SUMF1: variants seen among roughly 807,000 people sequenced by gnomAD.
The protein encoded by SUMF1 is formylglycine-generating enzyme.
Under a neutral mutation model 47.6 loss-of-function variants are expected in SUMF1, and 48 were observed. The observed-to-expected ratio is 1.01, with a 90% CI of 0.80 to 1.28. The LOEUF (loss-of-function observed/expected upper bound fraction) is 1.28, where lower values mean the gene tolerates loss of function less well. SUMF1 is among the 50% of genes most tolerant of loss of function. SUMF1 has a pLI of 0.00. For synonymous variants in SUMF1, 230 were observed against 192.1 expected (o/e 1.20, Z -1.63); for missense variants, 571 against 485.4 (o/e 1.18, Z -1.66).
intron 8 of SUMF1, among the ~76,000 whole-genome samples, chr3:4,290,584 C>G (rs1012504557): frequency 1.3e-5 from 2 of 152,112 alleles, no homozygotes. Flanking sequence ...GTCTTCTGCC[C>G]CAAATCTACA....
chr3:4,248,267 T>C (rs1293116297), intron 8 of SUMF1, among the ~76,000 whole-genome samples: 4 of 152,144 alleles, frequency 2.6e-5, no homozygotes, highest in African/African-American at 4.8e-5. Context: ...TTTTAAGTCA[T>C]AAAAAGCATG....
intron 8 of SUMF1, among the ~76,000 whole-genome samples, chr3:4,235,238 G>C (rs1696382561): frequency 6.6e-6 from 1 of 152,152 alleles, no homozygotes; most frequent in Non-Finnish European, 1.5e-5. Context: ...GGGAGAGGAA[G>C]GAGTCAAGAT....
chr3:4,061,485 G>C (rs1377322566), intron 9 of SUMF1, among the ~76,000 whole-genome samples: 1 of 152,018 alleles, frequency 6.6e-6, no homozygotes, highest in Non-Finnish European at 1.5e-5. Flanking sequence ...TTTCTTCCCT[G>C]CTATATAAAC....
intron 8 of SUMF1, among the ~76,000 whole-genome samples, chr3:4,294,588 G>A (rs1259420743): frequency 6.6e-6 from 1 of 152,082 alleles, no homozygotes; most frequent in Non-Finnish European, 1.5e-5. Context: ...GCAAGAACCT[G>A]TCTCAACAAC....
intron 8 of SUMF1, among the ~76,000 whole-genome samples, chr3:4,073,073 G>A (rs184357281): frequency 9.2e-5 from 14 of 152,260 alleles, no homozygotes; most frequent in East Asian, 7.7e-4. Flanking sequence ...AAATGTTAAC[G>A]GCAGCCAGAG....
intron 8 of SUMF1, among the ~76,000 whole-genome samples, chr3:4,132,102 G>T (rs1236021341): frequency 2.0e-5 from 3 of 152,142 alleles, no homozygotes; most frequent in African/African-American, 7.2e-5. Context: ...ATCATGGAAA[G>T]GGCAGAGGTT....
In SUMF1 at chr3:4,080,447, C is replaced by T. The variant is rs566344536; in HGVS notation, c.1015-11702G>A. On this transcript the variant is annotated intron_variant and NMD_transcript_variant, in intron 8 of 12. Coordinates refer to the SUMF1 transcript ENST00000448413. ...CAGACTTTCTGCACCTATGCTAATA[C>T]TTGAACCAACTCTTCTTTTTTTTAA... 9.9e-5 allele frequency among the ~76,000 whole-genome samples: 15 copies of T among 152,206 alleles called. No individual in the cohort carries two copies. In the South Asian group the frequency reaches 2.3e-3, roughly 23 times the overall value.
At chr3:4,357,661 T>G (rs1225973758), downstream of SUMF1, among the ~76,000 whole-genome samples, 1 of 151,578 alleles carries the variant, frequency 6.6e-6, no homozygotes, top group Non-Finnish European at 1.5e-5. Flanking sequence ...CAAGCTGGAG[T>G]GCAATGGCGC....
intron 8 of SUMF1, among the ~76,000 whole-genome samples, chr3:4,368,013 G>A (rs1437714013): frequency 6.6e-6 from 1 of 151,930 alleles, no homozygotes. Context: ...AAGAGCTTCT[G>A]CACAGCAAAA....
intron 8 of SUMF1, among the ~76,000 whole-genome samples, chr3:4,111,736 T>A (rs982568363): frequency 8.6e-5 from 13 of 151,708 alleles, no homozygotes; most frequent in Non-Finnish European, 1.6e-4. Context: ...AGACACCGTC[T>A]AAAAAAAACC....
rs1409789464 is a variant in SUMF1 at position 4,221,354 on chromosome 3, C to T, written c.1015-152609G>A. On this transcript the variant is annotated intron_variant and NMD_transcript_variant, in intron 8 of 12. Transcript: ENST00000448413. Reference sequence around the variant, plus strand: ...ATGAATCTTAACAGTCATAATGTAGCCAAAAGTGCAACTTTTCATGTACTT... The same window carrying T: ...ATGAATCTTAACAGTCATAATGTAGTCAAAAGTGCAACTTTTCATGTACTT... Among the ~76,000 whole-genome samples the T allele has an allele frequency of 4.0e-5, 6 of 151,760 alleles. No homozygotes were observed. In the East Asian group the frequency reaches 1.2e-3, roughly 29 times the overall value.
At chr3:4,253,434 G>C (rs142034373) in intron 8 of SUMF1, among the ~76,000 whole-genome samples, 8,614 of 152,254 alleles carry the variant, frequency 0.057, 589 homozygotes, top group East Asian at 0.2. Context: ...GCAGGGCGAG[G>C]CATTGCCTCA....
chr3:4,096,212 G>A (rs567838058), intron 8 of SUMF1, among the ~76,000 whole-genome samples: 1 of 152,226 alleles, frequency 6.6e-6, no homozygotes, highest in South Asian at 2.1e-4. Flanking sequence ...AGAACAGAAA[G>A]CTGAGCATCA....
intron 8 of SUMF1, among the ~76,000 whole-genome samples, chr3:4,177,379 A>C (rs917803683): frequency 2.6e-5 from 4 of 152,230 alleles, no homozygotes; most frequent in Admixed American, 2.6e-4. Flanking sequence ...CTCAGGATTA[A>C]GAAACTCACT....
intron 5 of SUMF1, 115 bp from the exon 6 acceptor site, chr3:4,417,357 G>C (rs1359829543): frequency 4.2e-6 from 3 of 719,128 alleles, no homozygotes; most frequent in Admixed American, 4.4e-5. Flanking sequence ...GAGTGAGCCA[G>C]TTAAAATATA....
intron 8 of SUMF1, among the ~76,000 whole-genome samples, chr3:4,145,056 G>A (rs900338131): frequency 9.9e-5 from 15 of 151,924 alleles, no homozygotes; most frequent in East Asian, 3.9e-4. Flanking sequence ...AAAATTAGCC[G>A]GGTGCAGTGA....
downstream of SUMF1, among the ~76,000 whole-genome samples, chr3:4,359,261 C>T (rs1699689166): frequency 6.6e-6 from 1 of 152,088 alleles, no homozygotes; most frequent in Non-Finnish European, 1.5e-5. Context: ...AAATAAACGG[C>T]TTGTTAGGAT....
intron 8 of SUMF1, among the ~76,000 whole-genome samples, chr3:4,331,837 T>A (rs1699058271): frequency 6.6e-6 from 1 of 151,920 alleles, no homozygotes; most frequent in Non-Finnish European, 1.5e-5. Context: ...CTCCAAAAAA[T>A]TAAATAAATA....
At chr3:4,169,482 T>C (rs548701868) in intron 8 of SUMF1, among the ~76,000 whole-genome samples, 20 of 152,068 alleles carry the variant, frequency 1.3e-4, no homozygotes, top group Non-Finnish European at 2.9e-4. Context: ...ACACCAAGGA[T>C]TGCCAACAAC....
Sources: allele counts gnomAD v4.1 joint callset (sites outside exome capture counted in the v4.1 genomes callset), GRCh38; gene constraint gnomAD v4.1.1; transcripts MANE v1.5; gene names NCBI Gene and HGNC (gene_info 2026-07-23, HGNC 2026-07-21).